PATJ: variants seen among roughly 807,000 people sequenced by gnomAD.
The protein encoded by PATJ is inaD-like protein.
Under a neutral mutation model 224.9 loss-of-function variants are expected in PATJ, and 190 were observed. That is an observed-to-expected ratio of 0.84 (90% confidence interval 0.75 to 0.95). The LOEUF (loss-of-function observed/expected upper bound fraction) is 0.95. Ranked by LOEUF, PATJ falls within the 40% of genes least tolerant of loss-of-function variation. The probability of loss-of-function intolerance (pLI) is 0.00; values close to 1 mark genes in which losing one functional copy is unlikely to be tolerated. For synonymous variants in PATJ, 769 were observed against 820.3 expected, an observed-to-expected ratio of 0.94 and a Z score of 1.07; for missense variants, 2,121 against 2,270.3, an observed-to-expected ratio of 0.93 and a Z score of 1.34.
At chr1:61,782,356 T>C (rs1277226062) in intron 7 of PATJ, among the ~76,000 whole-genome samples, 1 of 152,120 alleles carries the variant, frequency 6.6e-6, no homozygotes, top group Non-Finnish European at 1.5e-5. Flanking sequence ...TATAACCCAC[T>C]GGGAGAGAAA....
At chr1:61,756,072 C>T (rs895420974) in intron 1 of PATJ, among the ~76,000 whole-genome samples, 26 of 152,282 alleles carry the variant, frequency 1.7e-4, no homozygotes, top group African/African-American at 5.8e-4. Flanking sequence ...GGATTGCAGG[C>T]GTGAGCCACC....
chr1:62,096,455 A>G (rs1044124751), intron 33 of PATJ, among the ~76,000 whole-genome samples: 2 of 152,198 alleles, frequency 1.3e-5, no homozygotes, highest in African/African-American at 2.4e-5. Context: ...TGGCATTCAC[A>G]TGGTCCTTTG....
chr1:61,982,524 T>C (rs1644504744), intron 27 of PATJ, among the ~76,000 whole-genome samples: 1 of 151,988 alleles, frequency 6.6e-6, no homozygotes, highest in South Asian at 2.1e-4. Context: ...TGGGGAAGAA[T>C]CGATGACACA....
Position 61,791,389 on chromosome 1 carries a change from A to G in PATJ, c.1110A>G (p.Arg370=). The G allele has an allele frequency of 6.2e-7, 1 of 1,612,338 alleles. No homozygotes were observed. Among genetic ancestry groups the G allele is most frequent in the South Asian group, 1.1e-5 (1 of 90,990 alleles). ...AAACTTATAATGTTGAGCTTGTGAG[A>G]AAAGATGGGCAGAGTCTTGGAATTA... The part of the protein sequence containing the change: ...LFETYNVELV[R]KDGQSLGIRI... The change falls in exon 9 of 44, where the codon AGA becomes AGG. Residue 370 remains arginine, a synonymous_variant. Transcript: ENST00000642238.
At chr1:62,114,345 G>A in intron 35 of PATJ, 99 bp downstream of exon 35, 1 of 1,045,206 alleles carries the variant, frequency 9.6e-7, no homozygotes, top group South Asian at 1.7e-5. Flanking sequence ...GTAGTGATGG[G>A]ATTTCTAAAA....
chr1:62,043,171 G>C (rs1045762582), intron 30 of PATJ, among the ~76,000 whole-genome samples: 13 of 152,158 alleles, frequency 8.5e-5, no homozygotes, highest in African/African-American at 2.4e-4. Context: ...TTTCTGTAAA[G>C]CCAGGTTAAT....
intron 17 of PATJ, among the ~76,000 whole-genome samples, chr1:61,837,636 A>G (rs983871589): frequency 2.0e-5 from 3 of 151,984 alleles, no homozygotes; most frequent in East Asian, 1.9e-4. Context: ...TAAAAAATAC[A>G]AAAATTAGCC....
At chr1:61,901,961 G>T (rs1052380110) in intron 24 of PATJ, among the ~76,000 whole-genome samples, 1 of 152,182 alleles carries the variant, frequency 6.6e-6, no homozygotes, top group Non-Finnish European at 1.5e-5. Context: ...GGTGGCTCAT[G>T]CCTGTAATAC....
rs72674635 is a variant in PATJ at position 61,788,993 on chromosome 1, G to A, written c.1068+1021G>A. Among the ~76,000 whole-genome samples the A allele has an allele frequency of 7.5e-3, 1,147 of 152,136 alleles. 7 individuals are homozygous for A. Among genetic ancestry groups the A allele is most frequent in the Non-Finnish European group, 0.012 (846 of 67,972 alleles). ...TGACCAGAAATAGGTTTTGAAGGGA[G>A]GGTCCAGGAGGAAGAGGAAAGAAAA... On this transcript the variant is annotated intron_variant, in intron 8 of 43. Transcript: ENST00000642238.
Position 61,947,962 on chromosome 1 carries a change from GA to G in PATJ, c.3670+20136del, listed in dbSNP as rs956239432. ...AAACCTGACAAAAACATGAAATGGGGAAAGGATTCCCTATTTAATAAATGGT... is the reference window on the plus strand; with the variant it reads ...AAACCTGACAAAAACATGAAATGGGGAAGGATTCCCTATTTAATAAATGGT... On this transcript the variant is annotated intron_variant, in intron 27 of 43. Transcript: ENST00000642238. Among the ~76,000 whole-genome samples, 429 of 152,266 alleles carry G rather than the reference GA, an allele frequency of 2.8e-3. 1 individual carries two copies. The highest frequency in any genetic ancestry group is 9.8e-3 in the African/African-American group (408 of 41,544).
In PATJ at chr1:62,070,609, C is replaced by T. The variant is rs1189567522; in HGVS notation, c.4126-8841C>T. Among the ~76,000 whole-genome samples the T allele has an allele frequency of 3.3e-5, 5 of 152,292 alleles. No homozygotes were observed. In the East Asian group the frequency reaches 9.6e-4, roughly 29 times the overall value. ...TTCATCTTGTGGAAGGGGCACCACC[C>T]AGGGGCTAAGGGAAGAATTACAAGA... On this transcript the variant is annotated intron_variant, in intron 31 of 43. Coordinates refer to ENST00000642238, the MANE Select transcript of PATJ (RefSeq NM_001350145.3).
Position 61,787,914 on chromosome 1 carries a change from C to A in PATJ, c.1010C>A (p.Pro337His), listed in dbSNP as rs767549123. 2 of 1,614,070 alleles carry A rather than the reference C, an allele frequency of 1.2e-6. No homozygotes were observed. Among genetic ancestry groups the A allele is most frequent in the Admixed American group, 1.7e-5 (1 of 60,020 alleles). The change falls in exon 8 of 44, where the codon CCT becomes CAT. Residue 337 changes from proline to histidine, a missense_variant. By Grantham distance (77) the Pro-to-His change is moderately conservative. Coordinates refer to ENST00000642238, the MANE Select transcript of PATJ (RefSeq NM_001350145.3). ...GCTGGTGACATTTCAGTCACCCCCCCTGCCCCTGCAGCCTTACCTGTTGCC... is the reference window on the plus strand; with the variant it reads ...GCTGGTGACATTTCAGTCACCCCCCATGCCCCTGCAGCCTTACCTGTTGCC... ...DPAGDISVTP[P>H]APAALPVALP...
chr1:62,065,225 A>C (rs1440087849), intron 31 of PATJ, among the ~76,000 whole-genome samples: 2 of 152,192 alleles, frequency 1.3e-5, no homozygotes, highest in East Asian at 3.8e-4. Flanking sequence ...ACTGTAGTAA[A>C]TGAAGATAAT....
At chr1:61,902,127 A>G (rs1248446571) in intron 24 of PATJ, among the ~76,000 whole-genome samples, 1 of 152,018 alleles carries the variant, frequency 6.6e-6, no homozygotes, top group Non-Finnish European at 1.5e-5. Context: ...AGGCTGAGAC[A>G]GGAGAATCGC....
At chr1:61,861,750 CA>C in intron 19 of PATJ, 83 bp downstream of exon 19, 4 of 619,930 alleles carry the variant, frequency 6.5e-6, no homozygotes, top group Non-Finnish European at 1.1e-5. Context: ...GAAAATAAGA[CA>C]AAAGCTTGTC....
At chr1:62,128,757 A>G (rs1277638079) in intron 40 of PATJ, 84 bp from the exon 41 acceptor site, 2 of 931,670 alleles carry the variant, frequency 2.1e-6, no homozygotes, top group Non-Finnish European at 3.5e-6. Flanking sequence ...AATGGGAAAT[A>G]GGACTCGCAA....
intron 7 of PATJ, among the ~76,000 whole-genome samples, chr1:61,784,287 A>G (rs1379420422): frequency 6.6e-6 from 1 of 152,242 alleles, no homozygotes; most frequent in African/African-American, 2.4e-5. Flanking sequence ...TTAAAGAACA[A>G]AAGGGACTTT....
intron 16 of PATJ, among the ~76,000 whole-genome samples, chr1:61,831,171 GA>G (rs1308769337): frequency 2.1e-5 from 3 of 142,376 alleles, no homozygotes; most frequent in Non-Finnish European, 4.5e-5. Flanking sequence ...CTGAGTGACA[GA>G]GCGAGACTCT....
Position 61,763,073 on chromosome 1 carries a change from A to G in PATJ, c.83A>G (p.Asp28Gly). Residue 28 changes from aspartate (D) to glycine (G), a missense_variant, in exon 3 of 44, where the codon GAC (aspartate) becomes GGC (glycine). Asp to Gly is a moderately conservative substitution (Grantham distance 94, BLOSUM62 -1). Transcript: ENST00000642238. ...RLKMKLQEKG[D>G]TSQNEKLSMF... Reference sequence around the variant, plus strand: ...AAAATGAAATTGCAGGAGAAGGGTGACACGTCGCAGAATGAGAAGTTATCT... The same window carrying G: ...AAAATGAAATTGCAGGAGAAGGGTGGCACGTCGCAGAATGAGAAGTTATCT... 1 of 1,611,560 alleles carries G rather than the reference A, an allele frequency of 6.2e-7. No homozygotes were observed. Among genetic ancestry groups the G allele is most frequent in the Non-Finnish European group, 8.5e-7 (1 of 1,178,402 alleles).
Sources: allele counts gnomAD v4.1 joint callset (sites outside exome capture counted in the v4.1 genomes callset), GRCh38; gene constraint gnomAD v4.1.1; transcripts MANE v1.5; gene names NCBI Gene and HGNC (gene_info 2026-07-23, HGNC 2026-07-21).